Variants in GNA14 observed in about 807,000 individuals in gnomAD.
GNA14 encodes the protein guanine nucleotide-binding protein subunit alpha-14.
A neutral mutation model predicts 42.0 loss-of-function variants in GNA14; 50 were observed. That is an observed-to-expected ratio of 1.19 (90% CI 0.95 to 1.51). GNA14 has a LOEUF of 1.51. Among genes scored for constraint, GNA14 ranks in the 40% most tolerant of loss-of-function variants. The pLI is 0.00. For synonymous variants in GNA14, 173 were observed against 163.1 expected (o/e 1.06, Z -0.46); for missense variants, 473 against 446.2 (o/e 1.06, Z -0.54).
intron 1 of GNA14, among the ~76,000 whole-genome samples, chr9:77,617,054 T>C (rs1312619888): frequency 6.6e-6 from 1 of 151,938 alleles, no homozygotes; most frequent in African/African-American, 2.4e-5. Flanking sequence ...GTATTTTTAG[T>C]AGAGACAGGG....
At chr9:77,615,816 A>T (rs17063810) in intron 1 of GNA14, among the ~76,000 whole-genome samples, 2,935 of 151,888 alleles carry the variant, frequency 0.019, 48 homozygotes, top group African/African-American at 0.045. Flanking sequence ...GAACCTTCCA[A>T]GTCCAACAGA....
At chr9:77,574,244 A>G (rs1823099111) in intron 1 of GNA14, among the ~76,000 whole-genome samples, 1 of 152,230 alleles carries the variant, frequency 6.6e-6, no homozygotes, top group African/African-American at 2.4e-5. Context: ...AGTCTCAGCA[A>G]CAGGACAATC....
At chr9:77,460,783 G>C (rs1359969603) in intron 2 of GNA14, among the ~76,000 whole-genome samples, 1 of 152,176 alleles carries the variant, frequency 6.6e-6, no homozygotes, top group Non-Finnish European at 1.5e-5. Context: ...AGAATGAAAA[G>C]AACGAAGTGC....
chr9:77,475,483 C>T (rs991578), intron 2 of GNA14, among the ~76,000 whole-genome samples: 2,796 of 152,238 alleles, frequency 0.018, 82 homozygotes, highest in African/African-American at 0.064. Context: ...GAATGTGGGG[C>T]TTAGGCCCTA....
At chr9:77,478,361 C>T (rs955972011) in intron 2 of GNA14, among the ~76,000 whole-genome samples, 2 of 152,142 alleles carry the variant, frequency 1.3e-5, no homozygotes, top group African/African-American at 2.4e-5. Context: ...ATGAACTCAA[C>T]ATTTTTTATG....
Position 77,600,390 on chromosome 9 carries a change from A to G in GNA14, c.124+47280T>C, listed in dbSNP as rs147809696. 4.5e-3 allele frequency among the ~76,000 whole-genome samples: 678 copies of G among 152,334 alleles called. 4 individuals carry two copies. Among genetic ancestry groups the G allele is most frequent in the African/African-American group, 0.016 (652 of 41,572 alleles). On this transcript the variant is annotated intron_variant, in intron 1 of 6. Transcript: ENST00000341700. ...AACCATTTTTTCTTGTGAAACTGTG[A>G]GAGCAATTGATTTCTCCTTTAACTG...
intron 2 of GNA14, among the ~76,000 whole-genome samples, chr9:77,455,756 A>C (rs1337810226): frequency 6.6e-6 from 1 of 152,214 alleles, no homozygotes; most frequent in Non-Finnish European, 1.5e-5. Flanking sequence ...CTTGTGGTCC[A>C]TAGGAATCGC....
chr9:77,481,972 C>T (rs1311375208), intron 2 of GNA14, among the ~76,000 whole-genome samples: 2 of 152,120 alleles, frequency 1.3e-5, no homozygotes, highest in African/African-American at 4.8e-5. Context: ...TTCCTGAATA[C>T]AGCACACTGA....
chr9:77,483,927 C>T (rs150521917), intron 2 of GNA14, among the ~76,000 whole-genome samples: 168 of 152,280 alleles, frequency 1.1e-3, no homozygotes, highest in African/African-American at 3.8e-3. Flanking sequence ...GATAGTAATG[C>T]TTTCAAAATC....
chr9:77,486,875 A>C (rs1260832316), intron 2 of GNA14, among the ~76,000 whole-genome samples: 2 of 152,186 alleles, frequency 1.3e-5, no homozygotes, highest in Admixed American at 6.5e-5. Context: ...AGATCATCAT[A>C]ATGGATATAA....
chr9:77,462,672 G>A (rs1328825512), intron 2 of GNA14, among the ~76,000 whole-genome samples: 1 of 139,728 alleles, frequency 7.2e-6, no homozygotes, highest in African/African-American at 2.7e-5. Flanking sequence ...AGTGAGCTGA[G>A]ACAGAGCCAC....
rs117354664 is a variant in GNA14, at chr9:77,510,599, C to G, written c.309+18470G>C. 5.0e-3 allele frequency among the ~76,000 whole-genome samples: 760 copies of G among 152,288 alleles called. 2 individuals carry two copies. The highest frequency in any genetic ancestry group is 9.1e-3 in the Non-Finnish European group (619 of 68,020). On this transcript the variant is annotated intron_variant, in intron 2 of 6. Transcript: ENST00000341700. ...GATGAGCCTGAACATGATGGGAGTA[C>G]CCCACAGTCCTTCCTGCCCTCAGAT...
At chr9:77,644,081 A>G (rs28644236) in intron 1 of GNA14, among the ~76,000 whole-genome samples, 2,613 of 152,270 alleles carry the variant, frequency 0.017, 88 homozygotes, top group African/African-American at 0.059. Flanking sequence ...GTACCTCAGA[A>G]TGTAACTGTA....
At chr9:77,493,042 T>TATATATATATATATATAA (rs1836811407) in intron 2 of GNA14, among the ~76,000 whole-genome samples, 1 of 132,200 alleles carries the variant, frequency 7.6e-6, no homozygotes, top group Non-Finnish European at 1.6e-5. Context: ...TATATATATA[T>TATATATATATATATATAA]ATATTTGGGA....
chr9:77,644,466 A>G (rs1001373221), intron 1 of GNA14, among the ~76,000 whole-genome samples: 1 of 143,464 alleles, frequency 7.0e-6, no homozygotes, highest in African/African-American at 2.6e-5. Flanking sequence ...AAAAAAAAAG[A>G]CACAGGAATG....
Position 77,585,546 on chromosome 9 carries a change from GTGACCATTTCTC to G in GNA14, c.125-56305_125-56294del, listed in dbSNP as rs1410323239. On this transcript the variant is annotated intron_variant, in intron 1 of 6. Transcript: ENST00000341700. The stretch of plus-strand genomic sequence containing the variant: ...TAACTGGACTTCCCCCAACACCCTT[GTGACCATTTCTC>G]TGACCATTACTCCAATGGCATGATT... Among the ~76,000 whole-genome samples the G allele has an allele frequency of 3.3e-5, 5 of 152,264 alleles. No individual in the cohort carries two copies. In the East Asian group the frequency reaches 7.7e-4, roughly 24 times the overall value.
At chr9:77,601,343 A>C (rs1373784196) in intron 1 of GNA14, among the ~76,000 whole-genome samples, 1 of 152,248 alleles carries the variant, frequency 6.6e-6, no homozygotes, top group Non-Finnish European at 1.5e-5. Context: ...GCTAGGAAAG[A>C]GAAGTGAAAG....
At chr9:77,507,332 G>C (rs571265602) in intron 2 of GNA14, among the ~76,000 whole-genome samples, 1 of 152,154 alleles carries the variant, frequency 6.6e-6, no homozygotes, top group Admixed American at 6.5e-5. Context: ...TGAGGAAGAG[G>C]TCAGGTCTCA....
Position 77,434,542 on chromosome 9 carries a change from C to T in GNA14, c.310-20G>A, listed in dbSNP as rs182712104. On this transcript the variant is annotated intron_variant, in intron 2 of 6. Transcript: ENST00000341700. The stretch of plus-strand genomic sequence containing the variant: ...ATTTTCCTACTCAAAGGAAAGAGAA[C>T]CTTGCATCAGGCAAAGGAAAGGAAG... 1.2e-6 allele frequency: 2 copies of T among 1,607,410 alleles called. No individual in the cohort carries two copies. The highest frequency in any genetic ancestry group is 1.1e-5 in the South Asian group (1 of 90,270).
Sources: gnomAD v4.1 joint callset for allele counts (sites outside exome capture counted in the v4.1 genomes callset) on GRCh38, gnomAD v4.1.1 for gene constraint, MANE v1.5 for transcripts, NCBI Gene and HGNC (gene_info 2026-07-23, HGNC 2026-07-21) for gene names.